Variants in TNFSF4 observed in about 807,000 individuals in gnomAD.
The protein encoded by TNFSF4 is tumor necrosis factor ligand superfamily member 4.
A neutral mutation model predicts 7.3 loss-of-function variants in TNFSF4; 4 were observed. That is an observed-to-expected ratio of 0.55 (90% CI 0.27 to 1.25). The LOEUF (loss-of-function observed/expected upper bound fraction) is 1.25. Among genes scored for constraint, TNFSF4 ranks in the 50% most tolerant of loss-of-function variants. The probability of loss-of-function intolerance (pLI) is 0.12; values close to 1 mark genes in which losing one functional copy is unlikely to be tolerated. For synonymous variants in TNFSF4, 76 were observed against 83.7 expected, an observed-to-expected ratio of 0.91 and a Z score of 0.50; for missense variants, 181 against 208.8, an observed-to-expected ratio of 0.87 and a Z score of 0.82.
the TNFSF4 span, among the ~76,000 whole-genome samples, chr1:173,385,363 T>C: frequency 1.3e-5 from 2 of 152,272 alleles, no homozygotes; most frequent in East Asian, 3.9e-4. Context: ...AAGAAAAAAC[T>C]ATAAGAAATA....
At chr1:173,177,032 A>G in the TNFSF4 span, among the ~76,000 whole-genome samples, 1 of 152,030 alleles carries the variant, frequency 6.6e-6, no homozygotes, top group South Asian at 2.1e-4. Flanking sequence ...TGTGCTTATT[A>G]CTTGGGTGAT....
chr1:173,301,956 C>T, the TNFSF4 span, among the ~76,000 whole-genome samples: 2 of 151,846 alleles, frequency 1.3e-5, no homozygotes, highest in African/African-American at 2.4e-5. Flanking sequence ...ACAATTCACT[C>T]GTTTTTCTTT....
chr1:173,290,305 A>C, the TNFSF4 span, among the ~76,000 whole-genome samples: 1 of 152,184 alleles, frequency 6.6e-6, no homozygotes, highest in Non-Finnish European at 1.5e-5. Flanking sequence ...GGCAAGTTGG[A>C]TAAGGGAGCA....
At chr1:173,373,995 T>A in the TNFSF4 span, among the ~76,000 whole-genome samples, 2 of 152,030 alleles carry the variant, frequency 1.3e-5, no homozygotes, top group Non-Finnish European at 2.9e-5. Flanking sequence ...CAGGCCACAA[T>A]CCTCAGAGAA....
At chr1:173,273,761 A>T in the TNFSF4 span, among the ~76,000 whole-genome samples, 2 of 152,118 alleles carry the variant, frequency 1.3e-5, no homozygotes, top group East Asian at 3.9e-4. Flanking sequence ...CATGAAAAAG[A>T]TCAAGATTCA....
chr1:173,298,269 G>A, the TNFSF4 span, among the ~76,000 whole-genome samples: 1 of 151,854 alleles, frequency 6.6e-6, no homozygotes, highest in Non-Finnish European at 1.5e-5. Context: ...AAATACAGTG[G>A]TTTTTCTTTC....
At chr1:173,279,260 G>T in the TNFSF4 span, among the ~76,000 whole-genome samples, 1 of 151,968 alleles carries the variant, frequency 6.6e-6, no homozygotes, top group African/African-American at 2.4e-5. Flanking sequence ...AAATGCTCTT[G>T]TTCACTTTTC....
chr1:173,358,784 T>C, the TNFSF4 span, among the ~76,000 whole-genome samples: 1 of 152,268 alleles, frequency 6.6e-6, no homozygotes. Flanking sequence ...ACATAATGTT[T>C]GTTGAAAGAA....
chr1:173,179,432 A>C (rs112962444), downstream of TNFSF4, among the ~76,000 whole-genome samples: 1 of 152,158 alleles, frequency 6.6e-6, no homozygotes, highest in Non-Finnish European at 1.5e-5. Context: ...AATTCTGGGG[A>C]CTATACTTCT....
chr1:173,202,517 T>A (rs1188744644), intron 1 of TNFSF4, among the ~76,000 whole-genome samples: 1 of 152,184 alleles, frequency 6.6e-6, no homozygotes, highest in African/African-American at 2.4e-5. Flanking sequence ...ATAAGCTGTC[T>A]TCAGACACAA....
upstream of TNFSF4, among the ~76,000 whole-genome samples, chr1:173,210,530 G>C (rs1340605461): frequency 6.6e-6 from 1 of 152,178 alleles, no homozygotes; most frequent in Admixed American, 6.5e-5. Context: ...TGGAGAAGAG[G>C]CTCAGAAGAA....
At chr1:173,335,912 T>C in the TNFSF4 span, among the ~76,000 whole-genome samples, 2 of 152,238 alleles carry the variant, frequency 1.3e-5, no homozygotes, top group African/African-American at 4.8e-5. Context: ...TACTGAACAC[T>C]GGTTCTGAAC....
chr1:173,395,379 T>TATATAA, the TNFSF4 span, among the ~76,000 whole-genome samples: 2 of 49,438 alleles, frequency 4.0e-5, no homozygotes, highest in African/African-American at 1.9e-4. Flanking sequence ...GTGTATATAA[T>TATATAA]ATATATATAT....
chr1:173,341,653 C>A, the TNFSF4 span, among the ~76,000 whole-genome samples: 1 of 152,194 alleles, frequency 6.6e-6, no homozygotes, highest in African/African-American at 2.4e-5. Context: ...GGAGACATTA[C>A]AATACTTTCA....
At chr1:173,436,602 G>A in the TNFSF4 span, among the ~76,000 whole-genome samples, 24 of 152,126 alleles carry the variant, frequency 1.6e-4, no homozygotes, top group Non-Finnish European at 1.5e-5. Flanking sequence ...TAGAGGTGGG[G>A]TTTCACCATC....
chr1:173,319,124 T>C, the TNFSF4 span, among the ~76,000 whole-genome samples: 572 of 152,236 alleles, frequency 3.8e-3, 4 homozygotes, highest in Middle Eastern at 0.014. Flanking sequence ...CACAGAAATC[T>C]GAAGTCAAGC....
At chr1:173,418,327 AC>A in the TNFSF4 span, 1 of 152,192 alleles carries the variant, frequency 6.6e-6, no homozygotes, top group African/African-American at 2.4e-5. Context: ...TGAAATGCTA[AC>A]CCCTGCCCTA....
At chr1:173,390,122 G>A in the TNFSF4 span, among the ~76,000 whole-genome samples, 23 of 152,042 alleles carry the variant, frequency 1.5e-4, no homozygotes, top group African/African-American at 5.1e-4. Context: ...AGAGCATGTG[G>A]ACAATACAAA....
the TNFSF4 span, among the ~76,000 whole-genome samples, chr1:173,403,533 T>A: frequency 6.6e-6 from 1 of 152,210 alleles, no homozygotes; most frequent in Non-Finnish European, 1.5e-5. Context: ...TTCTGACAGA[T>A]CTACATACGT....
Sources: allele counts gnomAD v4.1 joint callset (sites outside exome capture counted in the v4.1 genomes callset), GRCh38; gene constraint gnomAD v4.1.1; transcripts MANE v1.5; gene names NCBI Gene and HGNC (gene_info 2026-07-23, HGNC 2026-07-21).